The following UGT1A6 variants were observed in gnomAD, a reference collection of about 807,000 sequenced individuals.
UGT1A6 encodes UDP glucuronosyltransferase family 1 member A6, also known as UDP-glucuronosyltransferase 1A6.
In UGT1A6, 32 loss-of-function variants were observed where a neutral mutation model predicts 44.4. The observed-to-expected ratio is 0.72, with a 90% CI of 0.54 to 0.97. The LOEUF (loss-of-function observed/expected upper bound fraction) is 0.97. Among genes scored for constraint, UGT1A6 ranks in the 50% least tolerant of loss-of-function variants. UGT1A6 has a pLI of 0.00. For synonymous variants in UGT1A6, 238 were observed against 248.5 expected, an observed-to-expected ratio of 0.96 and a Z score of 0.40; for missense variants, 685 against 661.9, an observed-to-expected ratio of 1.03 and a Z score of -0.38.
chr2:233,718,780 A>T (rs765403855), intron 1 of UGT1A6: 4 of 1,612,996 alleles, frequency 2.5e-6, no homozygotes, highest in Non-Finnish European at 3.4e-6. Context: ...TAGCAGGCAC[A>T]GCGTGGGGTG....
intron 1 of UGT1A6, chr2:233,719,470 C>T (rs568794982): frequency 6.2e-7 from 1 of 1,613,998 alleles, no homozygotes; most frequent in South Asian, 1.1e-5. Flanking sequence ...ATGCTCTACC[C>T]TCTGGCCCTG....
At chr2:233,692,312 A>G (rs2075089951), upstream of UGT1A6, 1 of 153,442 alleles carries the variant, frequency 6.5e-6, no homozygotes, top group Non-Finnish European at 1.5e-5. Context: ...TATCCTTTGT[A>G]ATAAACCAAA....
chr2:233,763,837 A>G (rs1269995830), intron 1 of UGT1A6, among the ~76,000 whole-genome samples: 1 of 152,238 alleles, frequency 6.6e-6, no homozygotes, highest in Non-Finnish European at 1.5e-5. Context: ...CTGCCAGGGT[A>G]AGATAGCAGT....
chr2:233,747,923 G>C (rs1349241680), intron 1 of UGT1A6: 11 of 1,613,296 alleles, frequency 6.8e-6, no homozygotes, highest in Non-Finnish European at 8.5e-6. Flanking sequence ...TTGCCTCTGA[G>C]CTTTTTCAGA....
intron 1 of UGT1A6, among the ~76,000 whole-genome samples, chr2:233,759,124 T>C (rs184414791): frequency 7.2e-5 from 11 of 152,358 alleles, no homozygotes; most frequent in Admixed American, 2.6e-4. Flanking sequence ...AGTTACAGCC[T>C]CTGGTACGCA....
At chr2:233,738,115 G>T (rs1249005866) in intron 1 of UGT1A6, among the ~76,000 whole-genome samples, 5 of 152,176 alleles carry the variant, frequency 3.3e-5, no homozygotes, top group African/African-American at 1.2e-4. Flanking sequence ...AGATCTGATG[G>T]TTTTATAAGG....
rs749630489 is a variant in UGT1A6, at chr2:233,719,276, C to A, written c.861+25411C>A. On this transcript the variant is annotated intron_variant, in intron 1 of 4. Coordinates refer to ENST00000305139, the MANE Select transcript of UGT1A6 (RefSeq NM_001072.4). ...CTTCCTTTGATGTGGTTTTAACAGA[C>A]CCCGTTAACCTCTGTGGGGCGGTGC... is the stretch of plus-strand genomic sequence containing the variant. 1.5e-5 allele frequency: 25 copies of A among 1,614,000 alleles called. No individual in the cohort carries two copies. The Admixed American group carries it at 3.3e-4, about 22-fold the overall frequency.
chr2:233,750,285 G>A (rs886934345), intron 1 of UGT1A6, among the ~76,000 whole-genome samples: 2 of 151,944 alleles, frequency 1.3e-5, no homozygotes, highest in African/African-American at 4.9e-5. Context: ...GAGACTGGTG[G>A]CATTTTGCCC....
At chr2:233,734,324 A>G (rs1395140152) in intron 1 of UGT1A6, among the ~76,000 whole-genome samples, 1 of 152,194 alleles carries the variant, frequency 6.6e-6, no homozygotes, top group Non-Finnish European at 1.5e-5. Flanking sequence ...ACGTATTTAT[A>G]GTATTCTCTG....
intron 1 of UGT1A6, among the ~76,000 whole-genome samples, chr2:233,727,349 G>GT (rs760245596): frequency 1.3e-5 from 2 of 152,230 alleles, no homozygotes; most frequent in Non-Finnish European, 2.9e-5. Context: ...CCATAGTTCT[G>GT]CTATCCTTAG....
chr2:233,768,682 G>A (rs375377866), intron 4 of UGT1A6, among the ~76,000 whole-genome samples: 30 of 141,324 alleles, frequency 2.1e-4, no homozygotes, highest in South Asian at 1.6e-3. Flanking sequence ...CACCTCCCAC[G>A]TTCAAGCAGT....
intron 1 of UGT1A6, among the ~76,000 whole-genome samples, chr2:233,748,621 T>C (rs1261589705): frequency 1.3e-5 from 2 of 151,698 alleles, no homozygotes; most frequent in African/African-American, 4.9e-5. Context: ...ACGTGGGATA[T>C]ATGTCTGTGA....
At chr2:233,743,099 A>T (rs1692202324) in intron 1 of UGT1A6, 1 of 352,144 alleles carries the variant, frequency 2.8e-6, no homozygotes, top group Non-Finnish European at 5.6e-6. Flanking sequence ...ATTCTTGGGT[A>T]CAGCTGTTCT....
At chr2:233,751,528 T>C (rs1694749369) in intron 1 of UGT1A6, among the ~76,000 whole-genome samples, 1 of 152,240 alleles carries the variant, frequency 6.6e-6, no homozygotes, top group Admixed American at 6.5e-5. Context: ...ATGATATGGT[T>C]TGACTCTGTG....
At chr2:233,743,869 G>C (rs763783144) in intron 1 of UGT1A6, 3 of 1,367,140 alleles carry the variant, frequency 2.2e-6, no homozygotes, top group Non-Finnish European at 2.9e-6. Context: ...TGATGGCCTC[G>C]GATGAGGCCT....
At chr2:233,737,917 T>TG (rs1690633729) in intron 1 of UGT1A6, among the ~76,000 whole-genome samples, 4 of 152,026 alleles carry the variant, frequency 2.6e-5, no homozygotes, top group African/African-American at 4.8e-5. Flanking sequence ...AACAGGCTAG[T>TG]GTATTTAGTA....
At chr2:233,757,560 A>ATATATATATATATG (rs904896556) in intron 1 of UGT1A6, among the ~76,000 whole-genome samples, 2 of 123,156 alleles carry the variant, frequency 1.6e-5, no homozygotes, top group African/African-American at 6.8e-5. Flanking sequence ...ATATATATAT[A>ATATATATATATATG]TGTATATATG....
At chr2:233,743,234 A>C (rs17863796) in intron 1 of UGT1A6, 5,154 of 418,520 alleles carry the variant, frequency 0.012, 81 homozygotes, top group South Asian at 0.038. Flanking sequence ...ATTTATTATG[A>C]AGGACTTTAA....
At chr2:233,753,194 GC>G (rs1375850984) in intron 1 of UGT1A6, 1 of 152,080 alleles carries the variant, frequency 6.6e-6, no homozygotes, top group Admixed American at 6.5e-5. Flanking sequence ...TTTTTCAAAA[GC>G]CCTGACAGTC....
Sources: allele counts gnomAD v4.1 joint callset (sites outside exome capture counted in the v4.1 genomes callset), GRCh38; gene constraint gnomAD v4.1.1; transcripts MANE v1.5; gene names NCBI Gene and HGNC (gene_info 2026-07-23, HGNC 2026-07-21).